The following DACH1 variants were observed in gnomAD, a reference collection of about 807,000 sequenced individuals.
DACH1 encodes the protein dachshund homolog 1.
A neutral mutation model predicts 54.2 loss-of-function variants in DACH1; 12 were observed. The observed-to-expected ratio is 0.22, with a 90% CI of 0.14 to 0.36. The LOEUF is 0.36. DACH1 is among the 10% of genes least tolerant of loss of function. DACH1 has a pLI of 1.00. For synonymous variants in DACH1, 386 were observed against 366.2 expected (o/e 1.05, Z -0.62); for missense variants, 805 against 929.8 (o/e 0.87, Z 1.75).
At chr13:71,850,860 A>C (rs915460571) in intron 1 of DACH1, among the ~76,000 whole-genome samples, 4 of 152,228 alleles carry the variant, frequency 2.6e-5, no homozygotes, top group Admixed American at 2.0e-4. Flanking sequence ...TGAACAAGAC[A>C]ATTTGTAAAA....
intron 1 of DACH1, among the ~76,000 whole-genome samples, chr13:71,731,529 CG>C (rs1883748422): frequency 6.6e-6 from 1 of 152,062 alleles, no homozygotes; most frequent in Non-Finnish European, 1.5e-5. Context: ...GTGCTCGACC[CG>C]CCTCGGCCTC....
At chr13:71,783,932 C>T (rs1266876715) in intron 1 of DACH1, among the ~76,000 whole-genome samples, 4 of 141,968 alleles carry the variant, frequency 2.8e-5, no homozygotes, top group Non-Finnish European at 6.0e-5. Flanking sequence ...TGGCTCTCAT[C>T]CTGGGAGATG....
intron 1 of DACH1, among the ~76,000 whole-genome samples, chr13:71,683,814 A>G (rs909272578): frequency 6.6e-6 from 1 of 152,134 alleles, no homozygotes; most frequent in African/African-American, 2.4e-5. Context: ...GCTAAGGGCT[A>G]AGGGCTAAAT....
chr13:71,708,850 TTG>T (rs1491322334), intron 1 of DACH1, among the ~76,000 whole-genome samples: 5 of 89,236 alleles, frequency 5.6e-5, no homozygotes, highest in African/African-American at 1.7e-4. Context: ...AAGTTTTTTG[TTG>T]TTTTTTTTTT....
chr13:71,781,627 C>T (rs933141727), intron 1 of DACH1, among the ~76,000 whole-genome samples: 1 of 152,072 alleles, frequency 6.6e-6, no homozygotes, highest in Non-Finnish European at 1.5e-5. Flanking sequence ...ATCCGCCCGC[C>T]TCGGCCTCCC....
intron 8 of DACH1, 42 bp downstream of exon 8, chr13:71,479,127 A>G (rs1027455010): frequency 6.5e-7 from 1 of 1,542,022 alleles, no homozygotes; most frequent in African/African-American, 1.4e-5. Context: ...TATGTTTAAT[A>G]TTTTCTGTAA....
At chr13:71,470,288 C>T (rs746085908) in intron 10 of DACH1, among the ~76,000 whole-genome samples, 1 of 144,890 alleles carries the variant, frequency 6.9e-6, no homozygotes, top group African/African-American at 2.5e-5. Flanking sequence ...AACATTAATT[C>T]TGGGTTTCCT....
intron 1 of DACH1, among the ~76,000 whole-genome samples, chr13:71,864,637 T>C (rs1395537070): frequency 3.3e-5 from 5 of 152,164 alleles, no homozygotes; most frequent in African/African-American, 7.2e-5. Context: ...AATCTCACTC[T>C]GAACTTTTGC....
intron 1 of DACH1, among the ~76,000 whole-genome samples, chr13:71,742,619 T>C (rs1011555734): frequency 6.6e-6 from 1 of 152,192 alleles, no homozygotes; most frequent in African/African-American, 2.4e-5. Flanking sequence ...AATAAAGATA[T>C]GTTTTACTAT....
intron 6 of DACH1, among the ~76,000 whole-genome samples, chr13:71,497,825 C>G (rs1879562339): frequency 3.3e-5 from 5 of 151,646 alleles, no homozygotes; most frequent in Admixed American, 3.3e-4. Context: ...ATCAATTTCT[C>G]TTCAGGTGGC....
At chr13:71,723,241 C>T (rs936030239) in intron 1 of DACH1, among the ~76,000 whole-genome samples, 2 of 119,616 alleles carry the variant, frequency 1.7e-5, no homozygotes, top group South Asian at 4.6e-4. Flanking sequence ...TGTCTCTACA[C>T]AAATTAAAAA....
intron 1 of DACH1, among the ~76,000 whole-genome samples, chr13:71,801,706 G>A (rs2138125802): frequency 6.6e-6 from 1 of 152,206 alleles, no homozygotes; most frequent in Non-Finnish European, 1.5e-5. Context: ...CATATGCAAA[G>A]TCTGAATTGT....
intron 1 of DACH1, among the ~76,000 whole-genome samples, chr13:71,698,180 C>CGG (rs1347519798): frequency 2.0e-5 from 3 of 151,452 alleles, no homozygotes; most frequent in Admixed American, 2.0e-4. Context: ...AGCGAGACTC[C>CGG]GTCTTAAAAA....
At chr13:71,647,633 A>G (rs146320611) in intron 2 of DACH1, among the ~76,000 whole-genome samples, 106 of 152,278 alleles carry the variant, frequency 7.0e-4, no homozygotes, top group African/African-American at 2.2e-3. Context: ...GGCCACCATG[A>G]CTCACAACTG....
At chr13:71,615,973 C>T (rs1056325560) in intron 3 of DACH1, among the ~76,000 whole-genome samples, 27 of 152,088 alleles carry the variant, frequency 1.8e-4, no homozygotes, top group African/African-American at 6.0e-4. Flanking sequence ...TGTAATATTT[C>T]AAATTGTTAT....
At chr13:71,482,793 GTTTT>G (rs10716729) in intron 7 of DACH1, among the ~76,000 whole-genome samples, 1 of 67,492 alleles carries the variant, frequency 1.5e-5, no homozygotes, top group African/African-American at 4.6e-5. Flanking sequence ...TCAACTGACA[GTTTT>G]TTTTTTTTTT....
At chr13:71,732,550 A>C (rs1173472585) in intron 1 of DACH1, among the ~76,000 whole-genome samples, 1 of 149,210 alleles carries the variant, frequency 6.7e-6, no homozygotes, top group Non-Finnish European at 1.5e-5. Context: ...ACGCCACTGC[A>C]CTCCAGCCTC....
At chr13:71,714,159 C>G (rs2138785607) in intron 1 of DACH1, among the ~76,000 whole-genome samples, 1 of 152,074 alleles carries the variant, frequency 6.6e-6, no homozygotes, top group Non-Finnish European at 1.5e-5. Flanking sequence ...TTTTATGGTA[C>G]ACTTTCATAG....
intron 1 of DACH1, among the ~76,000 whole-genome samples, chr13:71,750,025 T>C (rs1199065768): frequency 6.6e-6 from 1 of 152,216 alleles, no homozygotes; most frequent in Admixed American, 6.5e-5. Context: ...GCACCTACTA[T>C]GTGCCAGGTA....
Sources: allele counts gnomAD v4.1 joint callset (sites outside exome capture counted in the v4.1 genomes callset), GRCh38; gene constraint gnomAD v4.1.1; transcripts MANE v1.5; gene names NCBI Gene and HGNC (gene_info 2026-07-23, HGNC 2026-07-21).